Variants in PDXDC1 observed in about 807,000 individuals in gnomAD.
The protein encoded by PDXDC1 is pyridoxal-dependent decarboxylase domain-containing protein 1.
Under a neutral mutation model 100.1 loss-of-function variants are expected in PDXDC1, and 42 were observed. The ratio of observed to expected loss-of-function variants is 0.42; its 90% CI spans 0.33 to 0.54. The LOEUF (loss-of-function observed/expected upper bound fraction) is 0.54. Ranked by LOEUF, PDXDC1 falls within the 20% of genes least tolerant of loss-of-function variation. The pLI, the probability that PDXDC1 is intolerant of heterozygous loss-of-function variation, is 0.10. For synonymous variants in PDXDC1, 260 were observed against 371.7 expected, an observed-to-expected ratio of 0.70 and a Z score of 3.46; for missense variants, 636 against 979.2, an observed-to-expected ratio of 0.65 and a Z score of 4.68.
chr16:15,085,731 T>A, intron 16 of PDXDC1: 1 of 1,611,816 alleles, frequency 6.2e-7, no homozygotes, highest in Non-Finnish European at 8.5e-7. Flanking sequence ...TGTTATTCTG[T>A]CATTGATCTA....
chr16:15,027,772 C>A (rs1278637387), intron 14 of PDXDC1, among the ~76,000 whole-genome samples: 7 of 152,292 alleles, frequency 4.6e-5, no homozygotes, highest in African/African-American at 1.4e-4. Flanking sequence ...GTTCCTCTGG[C>A]CATCCAGCCA....
intron 20 of PDXDC1, 33 bp from the exon 21 acceptor site, chr16:15,034,424 C>A (rs2043270760): frequency 6.2e-7 from 1 of 1,613,198 alleles, no homozygotes; most frequent in Admixed American, 1.7e-5. Context: ...GCCGTGAGGC[C>A]AGGTGGCCCT....
At chr16:15,065,030 G>A (rs1349563419) in intron 16 of PDXDC1, among the ~76,000 whole-genome samples, 3 of 152,106 alleles carry the variant, frequency 2.0e-5, no homozygotes. Context: ...GCCAGGCGTG[G>A]CAGTGGGTGC....
rs1317983458 is a variant in PDXDC1, at chr16:15,114,927, ATTTTTTT to A, written c.1400-23937_1400-23931del. 9.5e-5 allele frequency among the ~76,000 whole-genome samples: 5 copies of A among 52,460 alleles called. No homozygotes were observed. In the East Asian group the frequency reaches 1.4e-3, roughly 14 times the overall value. 34.4% of individuals were successfully genotyped at this position (52,460 alleles called of 152,430 possible). On this transcript the variant is annotated intron_variant, in intron 16 of 16. Transcript: ENST00000535621. ...AGCTGATGATCTAAAAAAAAAAAAAATTTTTTTTTTTTTTTTTTTTTGAGACAGAGTT... is the reference window on the plus strand; with the variant it reads ...AGCTGATGATCTAAAAAAAAAAAAAATTTTTTTTTTTTTTGAGACAGAGTT...
At chr16:15,086,502 A>C (rs778842457) in intron 16 of PDXDC1, 16 of 1,607,272 alleles carry the variant, frequency 1.0e-5, no homozygotes, top group Non-Finnish European at 1.4e-5. Context: ...CCTCTAACAT[A>C]ACAGAAATTT....
At chr16:15,054,356 C>T (rs987104149) in intron 16 of PDXDC1, among the ~76,000 whole-genome samples, 6 of 152,194 alleles carry the variant, frequency 3.9e-5, no homozygotes, top group African/African-American at 1.4e-4. Flanking sequence ...CCCGGTATGT[C>T]ACCAAATCTC....
intron 16 of PDXDC1, chr16:15,129,790 C>T: frequency 1.4e-6 from 1 of 699,984 alleles, no homozygotes; most frequent in Admixed American, 2.1e-5. Flanking sequence ...CTGCCTTGTT[C>T]TGACGTCTGC....
chr16:14,988,265 A>G (rs1170750593), intron 1 of PDXDC1: 92 of 1,613,646 alleles, frequency 5.7e-5, no homozygotes, highest in Non-Finnish European at 7.7e-5. Flanking sequence ...TCACTCAGAC[A>G]CTGGGATCTT....
At position 15,031,864 on chromosome 16, in the gene PDXDC1, T is replaced by A; in HGVS notation, c.1529T>A (p.Leu510Gln). The change falls in exon 17 of 23, where the codon CTA becomes CAA. Residue 510 changes from leucine (L) to glutamine (Q), a missense_variant. Physicochemically the swap from Leu to Gln is moderately radical, Grantham distance 113. Coordinates refer to ENST00000396410, the MANE Select transcript of PDXDC1 (RefSeq NM_015027.4). Reference protein sequence around the residue: ...KQEVEATAGLLYVDDPNWSGI... With the variant: ...KQEVEATAGLQYVDDPNWSGI... ...GAAGTGGAAGCAACAGCAGGTCTCC[T>A]ATATGTTGATGACCCTAACTGGTCT... is the stretch of plus-strand genomic sequence containing the variant. The A allele has an allele frequency of 6.2e-7, 1 of 1,613,806 alleles. No individual in the cohort carries two copies. Among genetic ancestry groups the A allele is most frequent in the Non-Finnish European group, 8.5e-7 (1 of 1,179,828 alleles).
At chr16:15,147,733 G>A in the PDXDC1 span, among the ~76,000 whole-genome samples, 9 of 152,272 alleles carry the variant, frequency 5.9e-5, no homozygotes, top group Non-Finnish European at 1.2e-4. Flanking sequence ...CTGTTGACCA[G>A]GCTAGAGTGC....
chr16:15,033,005 T>C, intron 18 of PDXDC1, 26 bp downstream of exon 18: 2 of 1,369,338 alleles, frequency 1.5e-6, no homozygotes, highest in Non-Finnish European at 2.1e-6. Flanking sequence ...GTAAGTCAGC[T>C]GTGGGGTTTG....
At chr16:15,026,527 T>C (rs1567701174) in intron 13 of PDXDC1, 116 bp from the exon 14 acceptor site, 1 of 856,894 alleles carries the variant, frequency 1.2e-6, no homozygotes, top group Non-Finnish European at 1.8e-6. Context: ...CTGAACTTTT[T>C]AGTGTGTTTA....
chr16:14,975,605 C>T, intron 1 of PDXDC1: 1 of 985,452 alleles, frequency 1.0e-6, no homozygotes, highest in African/African-American at 1.7e-5. Flanking sequence ...AAAGAAGCCG[C>T]AGTTATTTCA....
Position 15,102,037 on chromosome 16 carries a change from AG to A in PDXDC1, c.1400-36839del, listed in dbSNP as rs553742988. ...CTAATTTTGTATTTTTGGTAGAGACAGGGTTTCGCCATGTTGGTCAGGCTGC... is the reference window on the plus strand; with the variant it reads ...CTAATTTTGTATTTTTGGTAGAGACAGGTTTCGCCATGTTGGTCAGGCTGC... On this transcript the variant is annotated intron_variant, in intron 16 of 16. Coordinates refer to the PDXDC1 transcript ENST00000535621. Among the ~76,000 whole-genome samples, 13 of 152,178 alleles carry A rather than the reference AG, an allele frequency of 8.5e-5. No homozygotes were observed. In the East Asian group the frequency reaches 2.1e-3, roughly 25 times the overall value.
intron 9 of PDXDC1, 69 bp from the exon 10 acceptor site, chr16:15,017,051 T>C: frequency 6.5e-7 from 1 of 1,542,512 alleles, no homozygotes; most frequent in Middle Eastern, 1.7e-4. Flanking sequence ...ACAGCCTTTA[T>C]TTTTTTAAGT....
chr16:15,070,950 C>T (rs771113393), intron 16 of PDXDC1, among the ~76,000 whole-genome samples: 20 of 152,102 alleles, frequency 1.3e-4, no homozygotes, highest in Non-Finnish European at 2.1e-4. Flanking sequence ...AAAAAGGAGA[C>T]ACTTTATTCT....
At chr16:15,017,594 G>A (rs1391715544) in intron 11 of PDXDC1, among the ~76,000 whole-genome samples, 172 bp downstream of exon 11, 1 of 152,270 alleles carries the variant, frequency 6.6e-6, no homozygotes, top group East Asian at 1.9e-4. Flanking sequence ...TTTTATGATT[G>A]TATAATATTC....
chr16:15,071,111 G>C lies in PDXDC1; in HGVS notation c.1399+41055G>C, dbSNP rs768134279. The C allele has an allele frequency of 5.6e-6, 9 of 1,594,930 alleles. No individual in the cohort carries two copies. The Admixed American group carries it at 1.2e-4, about 22-fold the overall frequency. The stretch of plus-strand genomic sequence containing the variant: ...ATATTAAAAAGTATTCGGAAAATTA[G>C]GCTACTTACATAAGAGGAATAAATT... On this transcript the variant is annotated intron_variant, in intron 16 of 16. Coordinates refer to the PDXDC1 transcript ENST00000535621.
intron 16 of PDXDC1, among the ~76,000 whole-genome samples, chr16:15,064,160 A>T (rs540905662): frequency 1.3e-5 from 2 of 151,768 alleles, no homozygotes; most frequent in Non-Finnish European, 2.9e-5. Flanking sequence ...ATCTAGATAA[A>T]TCGCTTTTTG....
Sources: gnomAD v4.1 joint callset for allele counts (sites outside exome capture counted in the v4.1 genomes callset) on GRCh38, gnomAD v4.1.1 for gene constraint, MANE v1.5 for transcripts, NCBI Gene and HGNC (gene_info 2026-07-23, HGNC 2026-07-21) for gene names.